Variants in TMEM132D observed in about 807,000 individuals in gnomAD.
The protein encoded by TMEM132D is mature OL transmembrane protein.
A neutral mutation model predicts 62.3 loss-of-function variants in TMEM132D; 21 were observed. The observed-to-expected ratio is 0.34, with a 90% CI of 0.24 to 0.49. TMEM132D has a LOEUF of 0.49. Among genes scored for constraint, TMEM132D ranks in the 20% least tolerant of loss-of-function variants. The probability of loss-of-function intolerance (pLI) is 0.99; values close to 1 mark genes in which losing one functional copy is unlikely to be tolerated. For missense variants in TMEM132D, 1,346 were observed against 1,402.8 expected (o/e 0.96, Z 0.65); for synonymous variants, 621 against 575.6 (o/e 1.08, Z -1.13).
chr12:129,797,289 G>A lies in TMEM132D; in HGVS notation c.80-96591C>T, dbSNP rs968070191. ...GAATGTTTTCAGTTACCTGTTTCCT[G>A]TGAATTCACTGCCCTTTGGAATAAT... On this transcript the variant is annotated intron_variant, in intron 1 of 8. Coordinates refer to ENST00000422113, the MANE Select transcript of TMEM132D (RefSeq NM_133448.3). 3.9e-4 allele frequency among the ~76,000 whole-genome samples: 60 copies of A among 152,260 alleles called. 1 individual carries two copies. Among genetic ancestry groups the A allele is most frequent in the African/African-American group, 1.4e-3 (59 of 41,558 alleles).
At chr12:129,332,503 C>T (rs1053708943) in intron 4 of TMEM132D, among the ~76,000 whole-genome samples, 32 of 152,164 alleles carry the variant, frequency 2.1e-4, no homozygotes, top group African/African-American at 7.7e-4. Context: ...AGCTTCAGCT[C>T]AAGTGGACCT....
intron 2 of TMEM132D, among the ~76,000 whole-genome samples, chr12:129,661,006 C>T (rs1267033260): frequency 6.6e-6 from 1 of 152,186 alleles, no homozygotes; most frequent in Non-Finnish European, 1.5e-5. Flanking sequence ...TCCAGTCTTA[C>T]TGAATCACTT....
intron 2 of TMEM132D, among the ~76,000 whole-genome samples, chr12:129,673,822 G>T (rs540260838): frequency 1.2e-4 from 18 of 152,244 alleles, no homozygotes; most frequent in Middle Eastern, 3.4e-3. Context: ...TGATTCAAAG[G>T]CTCTGTAGAA....
At chr12:129,530,652 G>A (rs913508118) in intron 3 of TMEM132D, among the ~76,000 whole-genome samples, 7 of 152,174 alleles carry the variant, frequency 4.6e-5, no homozygotes, top group Non-Finnish European at 1.5e-5. Context: ...CACTGCAAAC[G>A]TGGAATGCAC....
intron 4 of TMEM132D, among the ~76,000 whole-genome samples, chr12:129,305,091 C>T (rs1881817572): frequency 6.6e-6 from 1 of 152,184 alleles, no homozygotes; most frequent in African/African-American, 2.4e-5. Flanking sequence ...GCCAGTACAT[C>T]CCAAGAAAGA....
chr12:129,660,032 G>C (rs554530320), intron 2 of TMEM132D, among the ~76,000 whole-genome samples: 1 of 152,292 alleles, frequency 6.6e-6, no homozygotes, highest in East Asian at 1.9e-4. Flanking sequence ...TCATGGTTTT[G>C]AGTCACCATC....
intron 1 of TMEM132D, among the ~76,000 whole-genome samples, chr12:129,728,407 A>G (rs1869111909): frequency 6.6e-6 from 1 of 152,216 alleles, no homozygotes; most frequent in Non-Finnish European, 1.5e-5. Flanking sequence ...CTGAGTAATT[A>G]TAATTAATGG....
chr12:129,088,478 CATGA>C (rs1874748286), intron 5 of TMEM132D, among the ~76,000 whole-genome samples: 2 of 44,500 alleles, frequency 4.5e-5, no homozygotes, highest in African/African-American at 3.3e-4. Context: ...GGGTGTCCTC[CATGA>C]CCGGGTGTCC....
At chr12:129,650,765 CCT>C (rs1211320945) in intron 2 of TMEM132D, among the ~76,000 whole-genome samples, 2 of 152,140 alleles carry the variant, frequency 1.3e-5, no homozygotes, top group African/African-American at 4.8e-5. Flanking sequence ...GTGCAGATTT[CCT>C]CTTTTGTGAA....
At chr12:129,391,725 T>C (rs192152484) in intron 3 of TMEM132D, among the ~76,000 whole-genome samples, 12 of 152,300 alleles carry the variant, frequency 7.9e-5, no homozygotes, top group African/African-American at 2.9e-4. Context: ...TTTGATTAAA[T>C]TATTCTGGGG....
chr12:129,699,101 A>G (rs1383146734), intron 2 of TMEM132D, among the ~76,000 whole-genome samples: 2 of 152,224 alleles, frequency 1.3e-5, no homozygotes, highest in African/African-American at 4.8e-5. Context: ...AACTAAAACT[A>G]TATAATGAAA....
At chr12:129,157,590 GACACTGCAAACTTT>G (rs1416091583) in intron 5 of TMEM132D, among the ~76,000 whole-genome samples, 3 of 152,200 alleles carry the variant, frequency 2.0e-5, no homozygotes, top group African/African-American at 4.8e-5. Context: ...GGAAGCAACA[GACACTGCAAACTTT>G]ACAAATGCAA....
rs534931779 is a variant in TMEM132D at position 129,209,801 on chromosome 12, G to A, written c.1300-138C>T. On this transcript the variant is annotated intron_variant, in intron 4 of 8. Coordinates refer to ENST00000422113, the MANE Select transcript of TMEM132D (RefSeq NM_133448.3). ...GCAGGCTCAGAAATCCTGGCAGTCCGCACCAGCTGGCTGACCGTGGCAGCC... is the reference window on the plus strand; with the variant it reads ...GCAGGCTCAGAAATCCTGGCAGTCCACACCAGCTGGCTGACCGTGGCAGCC... 16 of 1,166,808 alleles carry A rather than the reference G, an allele frequency of 1.4e-5. No individual in the cohort carries two copies. The South Asian group carries it at 1.5e-4, about 11-fold the overall frequency. The allele number at this position is 1,166,808 out of a possible 1,614,324, so 72.3% of individuals were successfully genotyped here.
At chr12:129,628,694 T>C (rs1024206140) in intron 2 of TMEM132D, among the ~76,000 whole-genome samples, 1 of 152,050 alleles carries the variant, frequency 6.6e-6, no homozygotes, top group Admixed American at 6.6e-5. Flanking sequence ...ACATGGTAAA[T>C]GTTACTAAGG....
chr12:129,517,889 C>T (rs1875729232), intron 3 of TMEM132D, among the ~76,000 whole-genome samples: 1 of 152,108 alleles, frequency 6.6e-6, no homozygotes, highest in African/African-American at 2.4e-5. Flanking sequence ...CTTCTAATAC[C>T]ATCCACTGCC....
At chr12:129,761,837 C>A (rs1248640658) in intron 1 of TMEM132D, among the ~76,000 whole-genome samples, 2 of 152,182 alleles carry the variant, frequency 1.3e-5, no homozygotes, top group Non-Finnish European at 2.9e-5. Flanking sequence ...AATGAGCCTG[C>A]AAGATCTCAG....
intron 6 of TMEM132D, among the ~76,000 whole-genome samples, chr12:129,082,815 G>T (rs960328316): frequency 2.6e-5 from 4 of 152,154 alleles, no homozygotes; most frequent in Non-Finnish European, 5.9e-5. Flanking sequence ...CTGCAGCCTC[G>T]AACTGCTGGA....
intron 1 of TMEM132D, among the ~76,000 whole-genome samples, chr12:129,724,841 C>T (rs1397673543): frequency 1.3e-5 from 2 of 152,148 alleles, no homozygotes; most frequent in Non-Finnish European, 2.9e-5. Context: ...TTTTAAGCTA[C>T]TAAGTTTGTG....
intron 5 of TMEM132D, among the ~76,000 whole-genome samples, chr12:129,163,164 T>C (rs1593281569): frequency 6.6e-6 from 1 of 152,232 alleles, no homozygotes; most frequent in African/African-American, 2.4e-5. Flanking sequence ...ATAAGGCAGG[T>C]GTGCCCTTAA....
Sources: gnomAD v4.1 joint callset for allele counts (sites outside exome capture counted in the v4.1 genomes callset) on GRCh38, gnomAD v4.1.1 for gene constraint, MANE v1.5 for transcripts, NCBI Gene and HGNC (gene_info 2026-07-23, HGNC 2026-07-21) for gene names.